Variants in ZNF184 observed in about 807,000 individuals in gnomAD.
ZNF184 encodes zinc finger protein 184 (Kruppel-like).
In ZNF184, 16 loss-of-function variants were observed where a neutral mutation model predicts 54.4. The ratio of observed to expected loss-of-function variants is 0.29; its 90% confidence interval spans 0.20 to 0.45. The LOEUF is 0.45. Among genes scored for constraint, ZNF184 ranks in the 20% least tolerant of loss-of-function variants. The pLI is 1.00. For missense variants in ZNF184, 681 were observed against 888.2 expected, an observed-to-expected ratio of 0.77 and a Z score of 2.97; for synonymous variants, 254 against 295.3, an observed-to-expected ratio of 0.86 and a Z score of 1.43.
the ZNF184 span, among the ~76,000 whole-genome samples, chr6:27,437,841 A>T: frequency 6.6e-6 from 1 of 152,190 alleles, no homozygotes; most frequent in Non-Finnish European, 1.5e-5. Context: ...TATCCTGGAC[A>T]TTTTGAACAA....
the ZNF184 span, among the ~76,000 whole-genome samples, chr6:27,432,476 T>C: frequency 6.6e-6 from 1 of 152,190 alleles, no homozygotes; most frequent in Non-Finnish European, 1.5e-5. The surrounding 1 kb of genome is among the most constrained non-coding windows in gnomAD (Gnocchi z 4.0). Flanking sequence ...AAATCTCTAT[T>C]AGCCGTTTAA....
the ZNF184 span, among the ~76,000 whole-genome samples, chr6:27,442,880 A>AAGAAAGAAAAAAAGAAAG: frequency 3.6e-4 from 31 of 86,264 alleles, no homozygotes; most frequent in Non-Finnish European, 1.7e-4. Flanking sequence ...GAAAGAAAGA[A>AAGAAAGAAAAAAAGAAAG]AAAGAAAAAA....
intron 3 of ZNF184, among the ~76,000 whole-genome samples, chr6:27,463,950 C>T (rs1210029748): frequency 6.6e-6 from 1 of 151,502 alleles, no homozygotes; most frequent in Non-Finnish European, 1.5e-5. Context: ...AAATATGGTT[C>T]GACACCAGGG....
the ZNF184 span, among the ~76,000 whole-genome samples, chr6:27,433,976 T>TCCTTCCTTCCTTCCTTTCCCTC: frequency 1.5e-5 from 2 of 136,148 alleles, no homozygotes; most frequent in Non-Finnish European, 3.1e-5. Flanking sequence ...CTCCCTCCCT[T>TCCTTCCTTCCTTCCTTTCCCTC]CCTTCCTTCC....
At chr6:27,462,832 T>C (rs1763031563) in intron 3 of ZNF184, among the ~76,000 whole-genome samples, 1 of 147,198 alleles carries the variant, frequency 6.8e-6, no homozygotes, top group Non-Finnish European at 1.5e-5. Context: ...GCCACTGCAC[T>C]CCAGCCTGGG....
At chr6:27,425,551 C>T in the ZNF184 span, among the ~76,000 whole-genome samples, 1 of 152,194 alleles carries the variant, frequency 6.6e-6, no homozygotes, top group Admixed American at 6.5e-5. Flanking sequence ...AAGTATTTAT[C>T]ATTGTTGATG....
chr6:27,467,925 G>C lies in ZNF184; in HGVS notation c.8-5C>G, dbSNP rs1581589302. On this transcript the variant is annotated splice_polypyrimidine_tract_variant and splice_region_variant and intron_variant, in intron 2 of 5. Transcript: ENST00000683788. Reference sequence around the variant, plus strand: ...TGGAGTCTGGAGAGGACAGATCTAGGGGGAGAAGCAGGAGCCATATGACTT... The same window carrying C: ...TGGAGTCTGGAGAGGACAGATCTAGCGGGAGAAGCAGGAGCCATATGACTT... The C allele has an allele frequency of 6.3e-7, 1 of 1,599,076 alleles. No homozygotes were observed. Among genetic ancestry groups the C allele is most frequent in the African/African-American group, 1.3e-5 (1 of 74,124 alleles).
chr6:27,405,081 CCTTA>C, the ZNF184 span: 9 of 151,938 alleles, frequency 5.9e-5, no homozygotes, highest in Non-Finnish European at 1.2e-4. Context: ...TGTGTATTTA[CCTTA>C]CTTTTTATTG....
the ZNF184 span, among the ~76,000 whole-genome samples, chr6:27,427,116 T>TA: frequency 0.054 from 5,789 of 106,810 alleles, 513 homozygotes; most frequent in African/African-American, 0.18. Context: ...ACACTCTATG[T>TA]AAAAAAAAAA....
chr6:27,436,806 T>A, the ZNF184 span, among the ~76,000 whole-genome samples: 1 of 152,238 alleles, frequency 6.6e-6, no homozygotes, highest in Admixed American at 6.5e-5. Context: ...ACAACTAGGA[T>A]CGTGACCAGC....
intron 3 of ZNF184, among the ~76,000 whole-genome samples, chr6:27,459,531 G>T (rs542555519): frequency 1.7e-4 from 26 of 152,196 alleles, no homozygotes; most frequent in African/African-American, 6.3e-4. Context: ...TATCAGACTG[G>T]GTAACACTGC....
intron 2 of ZNF184, among the ~76,000 whole-genome samples, chr6:27,469,439 G>A (rs928515855): frequency 1.2e-4 from 18 of 152,084 alleles, no homozygotes; most frequent in African/African-American, 3.9e-4. Flanking sequence ...TCAGGAGTTA[G>A]AGACCAGCCT....
chr6:27,421,004 A>G, the ZNF184 span, among the ~76,000 whole-genome samples: 1 of 152,244 alleles, frequency 6.6e-6, no homozygotes, highest in Non-Finnish European at 1.5e-5. Flanking sequence ...AAGACTGCAT[A>G]CTGTATGGTT....
At chr6:27,408,914 CAAT>C in the ZNF184 span, among the ~76,000 whole-genome samples, 3 of 152,154 alleles carry the variant, frequency 2.0e-5, no homozygotes, top group Non-Finnish European at 4.4e-5. Context: ...ATTCACCAAA[CAAT>C]GATTAACCTG....
At position 27,472,370 on chromosome 6, in the gene ZNF184, GGTCTAGGACTCAGAT is replaced by G; in HGVS notation, c.-91_-77del. On this transcript the variant is annotated 5_prime_UTR_variant, in exon 2 of 6. Transcript: ENST00000683788. The surrounding 1 kb of genome is among the most constrained non-coding windows in gnomAD (Gnocchi z 4.8). ...GCAGCGTTCCTTCAGCTGGTATCTC[GGTCTAGGACTCAGAT>G]GTCTAACTCCCCTTGCAGGGAATCT... 1 of 1,595,734 alleles carries G rather than the reference GGTCTAGGACTCAGAT, an allele frequency of 6.3e-7. No individual in the cohort carries two copies. The highest frequency in any genetic ancestry group is 8.6e-7 in the Non-Finnish European group (1 of 1,164,696).
At chr6:27,422,234 G>A in the ZNF184 span, among the ~76,000 whole-genome samples, 40 of 148,284 alleles carry the variant, frequency 2.7e-4, no homozygotes, top group East Asian at 4.1e-4. Flanking sequence ...AAGAAATTCA[G>A]AGACCACACT....
At chr6:27,461,073 C>T (rs142102619) in intron 3 of ZNF184, among the ~76,000 whole-genome samples, 3 of 152,242 alleles carry the variant, frequency 2.0e-5, no homozygotes, top group East Asian at 1.9e-4. Context: ...TAAAGAAACA[C>T]GGAAATTTAT....
chr6:27,436,914 G>A, the ZNF184 span, among the ~76,000 whole-genome samples: 1,462 of 152,262 alleles, frequency 9.6e-3, 27 homozygotes, highest in African/African-American at 0.033. Context: ...ACCTTTGGAG[G>A]CACAAATAAA....
the ZNF184 span, among the ~76,000 whole-genome samples, chr6:27,439,260 T>C: frequency 6.6e-6 from 1 of 152,220 alleles, no homozygotes; most frequent in South Asian, 2.1e-4. Context: ...TAGTTTCCCT[T>C]TCCAAGGTTT....
Sources: gnomAD v4.1 joint callset for allele counts (sites outside exome capture counted in the v4.1 genomes callset) on GRCh38, gnomAD v4.1.1 for gene constraint, Gnocchi (gnomAD v3.1) non-coding constraint, MANE v1.5 for transcripts, NCBI Gene and HGNC (gene_info 2026-07-23, HGNC 2026-07-21) for gene names.